TOX: variants seen among roughly 807,000 people sequenced by gnomAD.
TOX encodes thymocyte selection-associated high mobility group box protein TOX.
Under a neutral mutation model 53.7 loss-of-function variants are expected in TOX, and 11 were observed. The ratio of observed to expected loss-of-function variants is 0.20; its 90% CI spans 0.13 to 0.34. The LOEUF is 0.34. Ranked by LOEUF, TOX falls within the 10% of genes least tolerant of loss-of-function variation. The pLI is 1.00. For missense variants in TOX, 570 were observed against 664.6 expected (o/e 0.86, Z 1.56); for synonymous variants, 225 against 245.3 (o/e 0.92, Z 0.77).
intron 3 of TOX, among the ~76,000 whole-genome samples, chr8:58,883,227 G>C (rs1043773486): frequency 6.6e-6 from 1 of 152,074 alleles, no homozygotes; most frequent in Non-Finnish European, 1.5e-5. Context: ...CTCCATTACT[G>C]AGCTCACTAT....
rs1177613428 is a variant in TOX, at chr8:59,057,640, CA to C, written c.102+61245del. Among the ~76,000 whole-genome samples, 14 of 152,140 alleles carry C rather than the reference CA, an allele frequency of 9.2e-5. No individual in the cohort carries two copies. In the East Asian group the frequency reaches 2.7e-3, roughly 29 times the overall value. ...CCCCCCGCCTTTCAGTGTACACAAA[CA>C]AAACAGTGTGTATATGAATACCATA... On this transcript the variant is annotated intron_variant, in intron 1 of 8. Transcript: ENST00000361421.
intron 3 of TOX, among the ~76,000 whole-genome samples, chr8:58,889,949 CAT>C (rs1811532264): frequency 6.6e-6 from 1 of 152,044 alleles, no homozygotes; most frequent in African/African-American, 2.4e-5. Context: ...TATGTTATGA[CAT>C]ATGACTCACA....
intron 1 of TOX, among the ~76,000 whole-genome samples, chr8:59,014,168 G>A (rs1813966276): frequency 2.6e-5 from 4 of 152,146 alleles, no homozygotes; most frequent in Admixed American, 2.6e-4. Flanking sequence ...TCAGTATATT[G>A]AAAACAAGAC....
chr8:59,021,030 A>C (rs1400925237), intron 1 of TOX, among the ~76,000 whole-genome samples: 1 of 141,236 alleles, frequency 7.1e-6, no homozygotes, highest in African/African-American at 2.7e-5. Context: ...CCAGGGAATC[A>C]TTTGGGAGTT....
chr8:58,908,974 A>G (rs926669270), intron 3 of TOX, among the ~76,000 whole-genome samples: 1 of 152,218 alleles, frequency 6.6e-6, no homozygotes, highest in African/African-American at 2.4e-5. Context: ...GTTTCTCATT[A>G]ATGGGATGAT....
intron 3 of TOX, among the ~76,000 whole-genome samples, chr8:58,864,657 C>T (rs755724002): frequency 7.2e-5 from 11 of 152,144 alleles, no homozygotes; most frequent in Non-Finnish European, 1.5e-4. Context: ...CAAAACCTTT[C>T]TTTATATTGT....
intron 3 of TOX, among the ~76,000 whole-genome samples, chr8:58,888,301 C>A (rs1811505414): frequency 6.6e-6 from 1 of 151,756 alleles, no homozygotes; most frequent in South Asian, 2.1e-4. Context: ...TTTATAATAG[C>A]AAAATGAAAT....
At chr8:58,881,278 G>C (rs1249124100) in intron 3 of TOX, among the ~76,000 whole-genome samples, 1 of 152,072 alleles carries the variant, frequency 6.6e-6, no homozygotes, top group Non-Finnish European at 1.5e-5. Context: ...ATGAAATTAG[G>C]AGATTATCTT....
intron 6 of TOX, among the ~76,000 whole-genome samples, chr8:58,818,573 C>A (rs908159565): frequency 6.6e-6 from 1 of 152,090 alleles, no homozygotes; most frequent in Non-Finnish European, 1.5e-5. Context: ...TACCATAGTG[C>A]AAAATACATA....
intron 7 of TOX, among the ~76,000 whole-genome samples, chr8:58,811,208 T>C (rs1275995928): frequency 6.6e-6 from 1 of 152,190 alleles, no homozygotes; most frequent in Non-Finnish European, 1.5e-5. Context: ...TGAAACAACA[T>C]GATGACACAC....
At chr8:58,997,882 T>G (rs1813589800) in intron 1 of TOX, among the ~76,000 whole-genome samples, 1 of 152,134 alleles carries the variant, frequency 6.6e-6, no homozygotes, top group African/African-American at 2.4e-5. Context: ...AAGCTCCGCC[T>G]CCTGGGTTCA....
chr8:59,042,222 C>T (rs982961845), intron 1 of TOX, among the ~76,000 whole-genome samples: 2 of 152,142 alleles, frequency 1.3e-5, no homozygotes, highest in Admixed American at 1.3e-4. Context: ...TGTCAAGGAG[C>T]CCTGAGTATT....
intron 1 of TOX, among the ~76,000 whole-genome samples, chr8:58,979,658 G>A (rs1012735910): frequency 7.2e-5 from 11 of 152,196 alleles, no homozygotes; most frequent in African/African-American, 2.2e-4. Flanking sequence ...GAAACAGAGA[G>A]AGATATAGAT....
At chr8:58,885,183 G>C (rs146053222) in intron 3 of TOX, among the ~76,000 whole-genome samples, 49 of 152,216 alleles carry the variant, frequency 3.2e-4, no homozygotes, top group African/African-American at 1.1e-3. Flanking sequence ...TAATTTGGGT[G>C]TGGGCAATGA....
rs550973180 is a variant in TOX, at chr8:58,904,770, C to T, written c.411+34532G>A. Among the ~76,000 whole-genome samples the T allele has an allele frequency of 5.3e-5, 8 of 152,232 alleles. No homozygotes were observed. In the South Asian group the frequency reaches 1.0e-3, roughly 20 times the overall value. On this transcript the variant is annotated intron_variant, in intron 3 of 8. Transcript: ENST00000361421. ...ACTCACTATGACTTCCACATGACTG[C>T]CACACAGTAGGAGCTCAAAATATAT...
chr8:58,845,301 C>G (rs1810704241), intron 4 of TOX, among the ~76,000 whole-genome samples: 3 of 152,108 alleles, frequency 2.0e-5, no homozygotes, highest in Non-Finnish European at 1.5e-5. Context: ...TAGAACTCCA[C>G]TTATAACTCT....
intron 2 of TOX, among the ~76,000 whole-genome samples, chr8:58,947,929 C>A (rs1428370814): frequency 1.3e-5 from 2 of 152,152 alleles, no homozygotes; most frequent in Non-Finnish European, 2.9e-5. Context: ...CAAGGTCAGG[C>A]CTTCAACCTC....
At chr8:59,024,549 T>A (rs1440778235) in intron 1 of TOX, among the ~76,000 whole-genome samples, 1 of 152,142 alleles carries the variant, frequency 6.6e-6, no homozygotes, top group Non-Finnish European at 1.5e-5. Context: ...GGCTGTCACG[T>A]TTTTGTGTTC....
At chr8:58,897,980 A>T (rs912771813) in intron 3 of TOX, among the ~76,000 whole-genome samples, 30 of 152,226 alleles carry the variant, frequency 2.0e-4, no homozygotes, top group Admixed American at 6.5e-5. Flanking sequence ...AGATAAACTA[A>T]TAATTGGGTT....
Sources: gnomAD v4.1 joint callset for allele counts (sites outside exome capture counted in the v4.1 genomes callset) on GRCh38, gnomAD v4.1.1 for gene constraint, MANE v1.5 for transcripts, NCBI Gene and HGNC (gene_info 2026-07-23, HGNC 2026-07-21) for gene names.